Variants in ATP13A4 observed in about 807,000 individuals in gnomAD.
The protein encoded by ATP13A4 is probable cation-transporting ATPase 13A4.
In ATP13A4, 114 loss-of-function variants were observed where a neutral mutation model predicts 142.5. The ratio of observed to expected loss-of-function variants is 0.80; its 90% CI spans 0.69 to 0.93. The LOEUF (loss-of-function observed/expected upper bound fraction) is 0.93. Among genes scored for constraint, ATP13A4 ranks in the 40% least tolerant of loss-of-function variants. The probability of loss-of-function intolerance (pLI) is 0.00; values close to 1 mark genes in which losing one functional copy is unlikely to be tolerated. For missense variants in ATP13A4, 1,392 were observed against 1,454.0 expected (o/e 0.96, Z 0.69); for synonymous variants, 488 against 514.8 (o/e 0.95, Z 0.70).
chr3:193,586,732 C>G (rs1274074581), intron 1 of ATP13A4, among the ~76,000 whole-genome samples: 1 of 152,124 alleles, frequency 6.6e-6, no homozygotes, highest in Non-Finnish European at 1.5e-5. Flanking sequence ...TGGCCTTATG[C>G]CAATACCACA....
At chr3:193,513,638 G>A (rs550104364) in intron 2 of ATP13A4, among the ~76,000 whole-genome samples, 12 of 152,328 alleles carry the variant, frequency 7.9e-5, no homozygotes, top group African/African-American at 9.6e-5. Flanking sequence ...CACATTGTCC[G>A]AGTGCCATGA....
chr3:193,504,163 T>TA (rs922589681), intron 2 of ATP13A4, among the ~76,000 whole-genome samples: 87 of 151,314 alleles, frequency 5.7e-4, no homozygotes, highest in African/African-American at 1.8e-3. Context: ...ACTGTGGATT[T>TA]AAAAAAAAAG....
At chr3:193,548,602 G>A (rs954165306) in intron 1 of ATP13A4, among the ~76,000 whole-genome samples, 5 of 152,238 alleles carry the variant, frequency 3.3e-5, no homozygotes, top group African/African-American at 1.2e-4. Flanking sequence ...ATTGGCAACT[G>A]ACTCAGAGGT....
intron 17 of ATP13A4, 114 bp downstream of exon 17, chr3:193,453,987 C>T (rs1576979440): frequency 2.4e-6 from 2 of 849,918 alleles, no homozygotes; most frequent in East Asian, 2.6e-5. Flanking sequence ...AGCTACATTG[C>T]TCTGTCCACC....
Position 193,466,135 on chromosome 3 carries a change from T to G in ATP13A4, c.1162A>C (p.Lys388Gln). ...CTGTACAACTGAAAATTCACTGGCTTAGGGTAGAGAATGGATCTCACAAGG... is the reference window on the plus strand; with the variant it reads ...CTGTACAACTGAAAATTCACTGGCTGAGGGTAGAGAATGGATCTCACAAGG... Reference protein sequence around the residue: ...GDLVRSILYPKPVNFQLYRDA... With the variant: ...GDLVRSILYPQPVNFQLYRDA... The change falls in exon 11 of 30, where the codon AAG becomes CAG. Residue 388 changes from lysine (K) to glutamine (Q), a missense_variant. Coordinates refer to ENST00000342695, the MANE Select transcript of ATP13A4 (RefSeq NM_032279.4). 6.2e-7 allele frequency: 1 copy of G among 1,614,048 alleles called. No homozygotes were observed. The highest frequency in any genetic ancestry group is 8.5e-7 in the Non-Finnish European group (1 of 1,179,978).
At chr3:193,497,909 TG>T (rs1720333197) in intron 3 of ATP13A4, among the ~76,000 whole-genome samples, 1 of 152,042 alleles carries the variant, frequency 6.6e-6, no homozygotes, top group Non-Finnish European at 1.5e-5. Flanking sequence ...TATCCGAGGT[TG>T]GGGGGAATAG....
upstream of ATP13A4, among the ~76,000 whole-genome samples, chr3:193,555,837 T>C (rs1038483966): frequency 6.6e-6 from 1 of 152,238 alleles, no homozygotes; most frequent in Non-Finnish European, 1.5e-5. Flanking sequence ...AAAATACCTG[T>C]ATTCCAGCTG....
intron 1 of ATP13A4, among the ~76,000 whole-genome samples, chr3:193,549,445 G>T (rs1159425938): frequency 7.6e-4 from 116 of 151,774 alleles, no homozygotes; most frequent in South Asian, 4.2e-4. Flanking sequence ...GAGAGAGAGA[G>T]AGAGAGAGAG....
intron 14 of ATP13A4, 33 bp downstream of exon 14, chr3:193,459,048 G>C: frequency 6.2e-7 from 1 of 1,613,150 alleles, no homozygotes; most frequent in Non-Finnish European, 8.5e-7. Flanking sequence ...CATTGAAGAA[G>C]CTTCTCAGAT....
chr3:193,562,749 T>C (rs1724046430), intron 2 of ATP13A4, among the ~76,000 whole-genome samples: 1 of 152,128 alleles, frequency 6.6e-6, no homozygotes, highest in Non-Finnish European at 1.5e-5. Flanking sequence ...CAGACACCTG[T>C]ACTCCCAGCT....
At chr3:193,454,264 C>A in intron 16 of ATP13A4, 52 bp from the exon 17 acceptor site, 1 of 1,357,672 alleles carries the variant, frequency 7.4e-7, no homozygotes, top group South Asian at 1.2e-5. Flanking sequence ...TTAGGCAGTA[C>A]TGGCAAAGAA....
chr3:193,532,391 T>C (rs567153743), intron 1 of ATP13A4, among the ~76,000 whole-genome samples: 19 of 148,262 alleles, frequency 1.3e-4, no homozygotes, highest in African/African-American at 4.8e-4. Context: ...TGTGGCATTT[T>C]AGCATCTAGT....
chr3:193,456,765 T>C (rs901161750), intron 16 of ATP13A4, among the ~76,000 whole-genome samples: 6 of 151,986 alleles, frequency 3.9e-5, no homozygotes, highest in African/African-American at 1.5e-4. Flanking sequence ...AAATCAGAGA[T>C]GACACGTAAA....
At chr3:193,548,488 T>G (rs1463131573) in intron 1 of ATP13A4, among the ~76,000 whole-genome samples, 1 of 152,180 alleles carries the variant, frequency 6.6e-6, no homozygotes, top group Non-Finnish European at 1.5e-5. Context: ...AATAAAGACA[T>G]TAGACTTGGC....
rs1194457897 is a variant in ATP13A4 at position 193,402,862 on chromosome 3, C to T, written c.3381G>A (p.Glu1127=). 6.2e-7 allele frequency: 1 copy of T among 1,613,706 alleles called. No homozygotes were observed. Among genetic ancestry groups the T allele is most frequent in the Non-Finnish European group, 8.5e-7 (1 of 1,179,842 alleles). Residue 1127 remains glutamate, a splice_region_variant and synonymous_variant, in exon 30 of 30, where the codon GAG becomes GAA. Coordinates refer to ENST00000342695, the MANE Select transcript of ATP13A4 (RefSeq NM_032279.4). Reference sequence around the variant, plus strand: ...ACAGGGCTCGATTTTCAATAACAGCCTCCTGCAAAATAAAATAATTACTTT... The same window carrying T: ...ACAGGGCTCGATTTTCAATAACAGCTTCCTGCAAAATAAAATAATTACTTT... ...LNFIVSLVAE[E]AVIENRALWM... is the part of the protein sequence containing the mutation.
At position 193,411,035 on chromosome 3, in the gene ATP13A4, C is replaced by A. The variant is rs756123095; in HGVS notation, c.3244G>T (p.Val1082Leu). The change falls in exon 28 of 30, where the codon GTA becomes TTA. Residue 1082 changes from valine to leucine, a missense_variant. Physicochemically the swap from Val to Leu is conservative, Grantham distance 32. Transcript: ENST00000342695. Reference sequence around the variant, plus strand: ...TCAGCAAATAGAATGAATAGACATACACCAAGCTGTATTATCAGCACAAGG... The same window carrying A: ...TCAGCAAATAGAATGAATAGACATAAACCAAGCTGTATTATCAGCACAAGG... ...FVLVLIIQLG[V>L]CLFILFADIP... The A allele has an allele frequency of 2.5e-6, 4 of 1,610,862 alleles. No individual in the cohort carries two copies. In the African/African-American group the frequency reaches 5.3e-5, roughly 22 times the overall value.
Position 193,464,980 on chromosome 3 carries a change from A to C in ATP13A4, c.1421T>G (p.Ile474Ser), listed in dbSNP as rs1290604604. ...RGIFCISPQR[I>S]NVCGQLNLVC... The stretch of plus-strand genomic sequence containing the variant: ...AAGGTTTAACTGTCCACATACGTTG[A>C]TCCTCTGGGGGCTAATGCAGAAGAT... The change falls in exon 12 of 30, where the codon ATC becomes AGC. Residue 474 changes from isoleucine to serine, a missense_variant. Coordinates refer to ENST00000342695, the MANE Select transcript of ATP13A4 (RefSeq NM_032279.4). 1.2e-6 allele frequency: 2 copies of C among 1,614,112 alleles called. No individual in the cohort carries two copies. Among genetic ancestry groups the C allele is most frequent in the Non-Finnish European group, 1.7e-6 (2 of 1,180,014 alleles).
intron 28 of ATP13A4, 59 bp downstream of exon 28, chr3:193,410,923 T>C (rs1714733030): frequency 8.8e-7 from 1 of 1,138,800 alleles, no homozygotes; most frequent in African/African-American, 1.5e-5. Context: ...GATCTGCTTT[T>C]TAAAGTTAAA....
chr3:193,467,544 T>A, intron 9 of ATP13A4, 58 bp from the exon 10 acceptor site: 2 of 1,539,414 alleles, frequency 1.3e-6, no homozygotes, highest in South Asian at 2.2e-5. Flanking sequence ...ATTTAAATCA[T>A]GCCTGCACCC....
Sources: allele counts gnomAD v4.1 joint callset (sites outside exome capture counted in the v4.1 genomes callset), GRCh38; gene constraint gnomAD v4.1.1; transcripts MANE v1.5; gene names NCBI Gene and HGNC (gene_info 2026-07-23, HGNC 2026-07-21).